The following STAU1 variants were observed in gnomAD, a reference collection of about 807,000 sequenced individuals.
STAU1 encodes the protein staufen double-stranded RNA binding protein 1.
STAU1 carries 13 observed loss-of-function variants against 62.9 expected under a neutral mutation model. The observed-to-expected ratio is 0.21, with a 90% CI of 0.13 to 0.33. The LOEUF is 0.33. Ranked by LOEUF, STAU1 falls within the 10% of genes least tolerant of loss-of-function variation. The probability of loss-of-function intolerance (pLI) is 1.00; values close to 1 mark genes in which losing one functional copy is unlikely to be tolerated. For synonymous variants in STAU1, 269 were observed against 265.1 expected (o/e 1.01, Z -0.14); for missense variants, 571 against 712.1 (o/e 0.80, Z 2.25).
intron 6 of STAU1, among the ~76,000 whole-genome samples, chr20:49,128,167 T>A (rs866005648): frequency 2.9e-3 from 388 of 135,634 alleles, no homozygotes; most frequent in Non-Finnish European, 4.6e-3. Context: ...AAAAAAAAAA[T>A]ACAAAAATTA....
In STAU1 at chr20:49,117,582, G is replaced by A. The variant is rs2145821097; in HGVS notation, c.1509+195C>T. The stretch of plus-strand genomic sequence containing the variant: ...GCATGTTGAAATCTTACTACCAAAG[G>A]ATAAAGATATTTCTCTTACCACATA... On this transcript the variant is annotated intron_variant, in intron 11 of 13. Coordinates refer to ENST00000371856, the MANE Select transcript of STAU1 (RefSeq NM_017453.4). The surrounding 1 kb of genome is among the most constrained non-coding windows in gnomAD (Gnocchi z 4.6). 6.6e-6 allele frequency among the ~76,000 whole-genome samples: 1 copy of A among 152,274 alleles called. No homozygotes were observed. The highest frequency in any genetic ancestry group is 6.5e-5 in the Admixed American group (1 of 15,288).
At chr20:49,124,293 T>A in intron 7 of STAU1, 82 bp downstream of exon 7, 1 of 1,454,432 alleles carries the variant, frequency 6.9e-7, no homozygotes, top group South Asian at 1.2e-5. Flanking sequence ...CCCTTTCACC[T>A]TGGGGACAGC....
At chr20:49,152,922 A>G (rs2093279979) in intron 4 of STAU1, among the ~76,000 whole-genome samples, 1 of 152,172 alleles carries the variant, frequency 6.6e-6, no homozygotes, top group African/African-American at 2.4e-5. Context: ...CCAGCAAGAA[A>G]TATGCTCAGG....
intron 7 of STAU1, among the ~76,000 whole-genome samples, chr20:49,124,132 C>CT (rs1267140406): frequency 2.0e-5 from 3 of 152,220 alleles, no homozygotes; most frequent in Non-Finnish European, 4.4e-5. Flanking sequence ...ATCGCCAGGG[C>CT]TGTGATGAGC....
At chr20:49,183,787 G>A (rs887463284) in intron 1 of STAU1, among the ~76,000 whole-genome samples, 1 of 152,110 alleles carries the variant, frequency 6.6e-6, no homozygotes, top group Non-Finnish European at 1.5e-5. Context: ...TGGAAACTGA[G>A]ACTTCCGACT....
At chr20:49,138,586 C>T (rs188192542) in intron 5 of STAU1, among the ~76,000 whole-genome samples, 227 of 152,262 alleles carry the variant, frequency 1.5e-3, no homozygotes, top group African/African-American at 5.1e-3. Flanking sequence ...ACTGCAGCTT[C>T]AAACTCCTGA....
chr20:49,184,517 C>T (rs761106729), intron 1 of STAU1, among the ~76,000 whole-genome samples: 7 of 152,080 alleles, frequency 4.6e-5, no homozygotes, highest in Non-Finnish European at 7.4e-5. Context: ...ATAGGGAGAA[C>T]GTGTAAACTC....
upstream of STAU1, among the ~76,000 whole-genome samples, chr20:49,189,711 T>G (rs2093827189): frequency 6.6e-6 from 1 of 150,792 alleles, no homozygotes; most frequent in Admixed American, 6.6e-5. Flanking sequence ...AAACTGAGAA[T>G]GAATGAAGGA....
intron 4 of STAU1, among the ~76,000 whole-genome samples, chr20:49,153,629 T>G (rs1478010859): frequency 2.2e-5 from 3 of 138,322 alleles, no homozygotes; most frequent in African/African-American, 8.3e-5. Flanking sequence ...CCTCCTCACT[T>G]GAACCCAGGA....
At chr20:49,136,447 T>G (rs1235287210) in intron 5 of STAU1, among the ~76,000 whole-genome samples, 2 of 152,130 alleles carry the variant, frequency 1.3e-5, no homozygotes, top group Non-Finnish European at 2.9e-5. Flanking sequence ...CAAGTTTGAG[T>G]CAAATTGTAC....
At chr20:49,130,092 T>TAGAC (rs1028088412) in intron 6 of STAU1, among the ~76,000 whole-genome samples, 2 of 151,930 alleles carry the variant, frequency 1.3e-5, no homozygotes, top group Non-Finnish European at 2.9e-5. Context: ...AACTGGTAAA[T>TAGAC]AGATACACTG....
At chr20:49,167,734 T>G (rs894002734) in intron 2 of STAU1, among the ~76,000 whole-genome samples, 2 of 152,172 alleles carry the variant, frequency 1.3e-5, no homozygotes, top group Non-Finnish European at 2.9e-5. Context: ...AGAAACACTT[T>G]TTTCCTCCTC....
chr20:49,184,833 T>G (rs558352432), intron 1 of STAU1, among the ~76,000 whole-genome samples: 1 of 152,270 alleles, frequency 6.6e-6, no homozygotes, highest in African/African-American at 2.4e-5. Context: ...AAACATAACA[T>G]GTAACATTTC....
intron 13 of STAU1, 128 bp from the exon 14 acceptor site, chr20:49,115,021 A>G (rs942618434): frequency 5.2e-6 from 5 of 963,218 alleles, no homozygotes; most frequent in African/African-American, 3.3e-5. Context: ...TATGATAACA[A>G]AAGTTTTCCC....
the STAU1 span, among the ~76,000 whole-genome samples, chr20:49,213,949 T>G: frequency 6.6e-6 from 1 of 152,168 alleles, no homozygotes; most frequent in Non-Finnish European, 1.5e-5. Flanking sequence ...GGGTGGCTCA[T>G]GCCTGTAATC....
chr20:49,165,557 A>C (rs1013772134), intron 3 of STAU1, among the ~76,000 whole-genome samples: 1 of 150,006 alleles, frequency 6.7e-6, no homozygotes, highest in East Asian at 2.0e-4. Flanking sequence ...GCTGGTCTCA[A>C]ACTCCTGACC....
rs767681136 is a variant in STAU1 at position 49,151,626 on chromosome 20, C to A, written c.466G>T (p.Ala156Ser). ...GGCTCATTCTGCAGGATCCTCAACG[C>A]TTTGGCAGCAGCATCGTGTTTCGCA... ...QAAKHDAAAK[A>S]LRILQNEPLP... is the part of the protein sequence containing the mutation. Residue 156 changes from alanine to serine, a missense_variant, in exon 5 of 14, where the codon GCG becomes TCG. By Grantham distance (99) the Ala-to-Ser change is moderately conservative. This residue lies in a region of STAU1 where 414 missense variants were observed against 499.6 expected (regional missense o/e 0.83). Transcript: ENST00000371856. 2 of 1,612,154 alleles carry A rather than the reference C, an allele frequency of 1.2e-6. No homozygotes were observed. Among genetic ancestry groups the A allele is most frequent in the Non-Finnish European group, 1.7e-6 (2 of 1,179,292 alleles).
chr20:49,217,743 A>G, the STAU1 span, among the ~76,000 whole-genome samples: 1 of 147,696 alleles, frequency 6.8e-6, no homozygotes, highest in Non-Finnish European at 1.5e-5. Context: ...GCTACTCGGG[A>G]GGCTGAGGCA....
chr20:49,196,464 GA>G, the STAU1 span, among the ~76,000 whole-genome samples: 5 of 137,036 alleles, frequency 3.6e-5, no homozygotes, highest in Admixed American at 7.5e-5. Context: ...AAAAAAAGAA[GA>G]AGAAGAAGAA....
Sources: allele counts gnomAD v4.1 joint callset (sites outside exome capture counted in the v4.1 genomes callset), GRCh38; gene constraint gnomAD v4.1.1; regional missense constraint gnomAD v4.1.1; non-coding constraint Gnocchi (gnomAD v3.1); transcripts MANE v1.5; gene names NCBI Gene and HGNC (gene_info 2026-07-23, HGNC 2026-07-21).